Variants in SNED1 observed in about 807,000 individuals in gnomAD.
SNED1 encodes sushi, nidogen and EGF-like domain-containing protein 1.
SNED1 carries 81 observed loss-of-function variants against 166.7 expected under a neutral mutation model. The ratio of observed to expected loss-of-function variants is 0.49; its 90% CI spans 0.41 to 0.58. The LOEUF (loss-of-function observed/expected upper bound fraction) is 0.58. SNED1 is among the 20% of genes least tolerant of loss of function. SNED1 has a pLI of 0.00. For synonymous variants in SNED1, 762 were observed against 822.0 expected (o/e 0.93, Z 1.25); for missense variants, 1,604 against 2,000.2 (o/e 0.80, Z 3.78).
rs1477574850 is a variant in SNED1, at chr2:241,094,253, G to A, written c.*2617G>A. The A allele has an allele frequency of 2.1e-6, 1 of 467,120 alleles. No individual in the cohort carries two copies. Among genetic ancestry groups the A allele is most frequent in the South Asian group, 1.6e-5 (1 of 64,236 alleles). 28.9% of individuals were successfully genotyped at this position (467,120 alleles called of 1,614,324 possible). A position where few individuals can be genotyped will look rare whatever the true frequency, so the allele number is the denominator to read the frequency against. On this transcript the variant is annotated 3_prime_UTR_variant, in exon 32 of 32. Transcript: ENST00000310397. The surrounding 1 kb of genome is among the most constrained non-coding windows in gnomAD (Gnocchi z 4.3). The stretch of plus-strand genomic sequence containing the variant: ...TCCAGTAGAGAACCCAACAGGCAAG[G>A]GCCCCACTCAGGTATCAGCTCACCT...
At chr2:241,043,923 T>C (rs1271190000) in intron 8 of SNED1, among the ~76,000 whole-genome samples, 1 of 152,144 alleles carries the variant, frequency 6.6e-6, no homozygotes, top group African/African-American at 2.4e-5. Context: ...CCAACTCCAA[T>C]GTAAAAGATA....
chr2:241,060,819 T>C (rs1351034749), intron 16 of SNED1, among the ~76,000 whole-genome samples: 3 of 152,010 alleles, frequency 2.0e-5, no homozygotes, highest in African/African-American at 4.8e-5. Flanking sequence ...TAGTCCCAGC[T>C]ACTCAGGAGG....
chr2:241,080,672 C>A (rs1430135273), intron 27 of SNED1, among the ~76,000 whole-genome samples: 2 of 152,248 alleles, frequency 1.3e-5, no homozygotes, highest in Non-Finnish European at 2.9e-5. Flanking sequence ...ATCAGGAAAA[C>A]AACTGACAGC....
At chr2:241,088,571 TC>T in intron 31 of SNED1, 169 bp downstream of exon 31, 1 of 612,262 alleles carries the variant, frequency 1.6e-6, no homozygotes, top group Non-Finnish European at 2.9e-6. Flanking sequence ...GGTTCAGAAG[TC>T]CCCAAGGGGA....
chr2:241,069,841 T>G lies in SNED1; in HGVS notation c.3308-79T>G. Reference sequence around the variant, plus strand: ...CTTCCAGCAAGGCTGCGGCAGCCCATGTCCGGTTCTCAAACCGTGTTCTTG... The same window carrying G: ...CTTCCAGCAAGGCTGCGGCAGCCCAGGTCCGGTTCTCAAACCGTGTTCTTG... On this transcript the variant is annotated intron_variant, in intron 23 of 31. Coordinates refer to ENST00000310397, the MANE Select transcript of SNED1 (RefSeq NM_001080437.3). This position sits in a 1 kb window ranked among gnomAD's most constrained non-coding sequence, Gnocchi z 4.9. The G allele has an allele frequency of 9.9e-6, 15 of 1,509,614 alleles. No homozygotes were observed. The South Asian group carries it at 1.9e-4, about 19-fold the overall frequency. 93.5% of individuals were successfully genotyped at this position (1,509,614 alleles called of 1,614,324 possible).
rs778949084 is a variant in SNED1, at chr2:241,052,373, G to A, written c.1988G>A (p.Arg663Gln). The change falls in exon 15 of 32, where the codon CGG (arginine) becomes CAG (glutamine). Residue 663 changes from arginine (R) to glutamine (Q), a missense_variant. Physicochemically the swap from Arg to Gln is conservative, Grantham distance 43. Transcript: ENST00000310397. ...CTGGCAGCCCCCTCCCCCTGCTTCC[G>A]GAGCCCGTGTGTGAATGGGGGCACC... is the stretch of plus-strand genomic sequence containing the variant. Reference protein sequence around the residue: ...HCEIAPSPCFRSPCVNGGTCE... With the variant: ...HCEIAPSPCFQSPCVNGGTCE... 15 of 1,579,174 alleles carry A rather than the reference G, an allele frequency of 9.5e-6. No homozygotes were observed. The highest frequency in any genetic ancestry group is 2.7e-5 in the African/African-American group (2 of 74,348).
At chr2:241,030,936 C>G (rs1284930326) in intron 2 of SNED1, among the ~76,000 whole-genome samples, 2 of 152,302 alleles carry the variant, frequency 1.3e-5, no homozygotes, top group East Asian at 3.9e-4. Flanking sequence ...GAAACATTGA[C>G]TCAAGAATAA....
chr2:241,039,844 A>G (rs1447790775), intron 6 of SNED1, among the ~76,000 whole-genome samples: 1 of 152,080 alleles, frequency 6.6e-6, no homozygotes, highest in Non-Finnish European at 1.5e-5. Flanking sequence ...CCATCCCTCC[A>G]TCCCAGGTTT....
intron 1 of SNED1, among the ~76,000 whole-genome samples, chr2:241,016,485 C>G (rs1464582230): frequency 1.4e-5 from 2 of 139,384 alleles, no homozygotes; most frequent in Non-Finnish European, 3.0e-5. Context: ...CGTGAGCCAC[C>G]ACGCCCGGCC....
chr2:241,047,146 CAAAAAAAAAAA>C (rs59981303), intron 8 of SNED1, among the ~76,000 whole-genome samples: 19 of 68,178 alleles, frequency 2.8e-4, no homozygotes, highest in Admixed American at 2.0e-3. Flanking sequence ...GAGACTCTGT[CAAAAAAAAAAA>C]AAAAAAAAAA....
At chr2:241,012,961 G>A (rs1408276342) in intron 1 of SNED1, among the ~76,000 whole-genome samples, 1 of 151,296 alleles carries the variant, frequency 6.6e-6, no homozygotes, top group African/African-American at 2.4e-5. Flanking sequence ...TCAGCCTCCC[G>A]AGTAGCTGGG....
intron 26 of SNED1, chr2:241,072,429 G>A (rs1260128772): frequency 5.6e-6 from 2 of 359,224 alleles, no homozygotes; most frequent in Non-Finnish European, 1.1e-5. Context: ...GAGACATGTT[G>A]GCAGGAGTGA....
intron 8 of SNED1, among the ~76,000 whole-genome samples, chr2:241,047,000 G>A (rs2061666081): frequency 6.6e-6 from 1 of 151,930 alleles, no homozygotes; most frequent in Non-Finnish European, 1.5e-5. Flanking sequence ...AAAATTAGCT[G>A]GGTGTGGTAG....
At position 240,998,824 on chromosome 2, in the gene SNED1, C is replaced by A; in HGVS notation, c.-14C>A. ...TGCTCCGCCAGCGCCCCGTCCCGCC[C>A]GCACACCTCCGCGATGCGGCACGGC... On this transcript the variant is annotated 5_prime_UTR_variant, in exon 1 of 32. Coordinates refer to ENST00000310397, the MANE Select transcript of SNED1 (RefSeq NM_001080437.3). 1 of 1,185,244 alleles carries A rather than the reference C, an allele frequency of 8.4e-7. No individual in the cohort carries two copies. The highest frequency in any genetic ancestry group is 3.4e-5 in the South Asian group (1 of 29,564). The allele number at this position is 1,185,244 out of a possible 1,614,324, so 73.4% of individuals were successfully genotyped here.
chr2:241,007,537 G>A (rs1441438998), intron 1 of SNED1, among the ~76,000 whole-genome samples: 7 of 152,168 alleles, frequency 4.6e-5, no homozygotes, highest in East Asian at 1.9e-4. Context: ...CCTAGAAGCC[G>A]CTCAGTAAAT....
At chr2:241,039,831 C>T (rs2061473488) in intron 6 of SNED1, among the ~76,000 whole-genome samples, 1 of 152,196 alleles carries the variant, frequency 6.6e-6, no homozygotes, top group South Asian at 2.1e-4. Context: ...CCAGCATACA[C>T]ACCCATCCCT....
rs1471725747 is a variant in SNED1, at chr2:241,033,547, C to CG, written c.502-187dup. Reference sequence around the variant, plus strand: ...CAGACGGCCTCTGCTGAGTGGCAGGCGCTGGGAGACAGCAGAGGATGAGGC... The same window carrying CG: ...CAGACGGCCTCTGCTGAGTGGCAGGCGGCTGGGAGACAGCAGAGGATGAGGC... On this transcript the variant is annotated intron_variant, in intron 2 of 31. Transcript: ENST00000310397. The CG allele has an allele frequency of 1.6e-5, 10 of 610,306 alleles. No individual in the cohort carries two copies. In the East Asian group the frequency reaches 3.0e-4, roughly 18 times the overall value. The allele number at this position is 610,306 out of a possible 1,614,324, so 37.8% of individuals were successfully genotyped here. A position where few individuals can be genotyped will look rare whatever the true frequency, so the allele number is the denominator to read the frequency against.
At position 241,071,854 on chromosome 2, in the gene SNED1, A is replaced by G; in HGVS notation, c.3793A>G (p.Ser1265Gly). The G allele has an allele frequency of 1.2e-6, 2 of 1,605,512 alleles. No homozygotes were observed. Among genetic ancestry groups the G allele is most frequent in the Non-Finnish European group, 1.7e-6 (2 of 1,176,702 alleles). Residue 1265 changes from serine to glycine, a missense_variant, in exon 26 of 32, where the codon AGC becomes GGC. Physicochemically the swap from Ser to Gly is moderately conservative, Grantham distance 56. Around this residue, in one of 2 missense-constraint regions of SNED1, gnomAD observed 367 missense variants for 379.4 expected, o/e 0.97. Transcript: ENST00000310397. ...RVSARFGGSP[S>G]KAATVRSQPT... Reference sequence around the variant, plus strand: ...GAGCGCCAGGTTCGGTGGCTCACCCAGCAAAGCAGCCACCGTGAGATCACG... The same window carrying G: ...GAGCGCCAGGTTCGGTGGCTCACCCGGCAAAGCAGCCACCGTGAGATCACG...
rs1033007564 is a variant in SNED1, at chr2:241,094,043, G to T, written c.*2407G>T. The T allele has an allele frequency of 9.4e-6, 3 of 319,368 alleles. No homozygotes were observed. Among genetic ancestry groups the T allele is most frequent in the Non-Finnish European group, 1.9e-5 (3 of 162,088 alleles). The allele number at this position is 319,368 out of a possible 1,614,324, so 19.8% of individuals were successfully genotyped here. On this transcript the variant is annotated 3_prime_UTR_variant, in exon 32 of 32. Transcript: ENST00000310397. This position sits in a 1 kb window ranked among gnomAD's most constrained non-coding sequence, Gnocchi z 4.3. ...GTACAACAACAGCCTAGGTTCTAGG[G>T]AGGGTGGCAGTGACCGGGATGCCAC...
Sources: allele counts gnomAD v4.1 joint callset (sites outside exome capture counted in the v4.1 genomes callset), GRCh38; gene constraint gnomAD v4.1.1; regional missense constraint gnomAD v4.1.1; non-coding constraint Gnocchi (gnomAD v3.1); transcripts MANE v1.5; gene names NCBI Gene and HGNC (gene_info 2026-07-23, HGNC 2026-07-21).